RHBDD1: variants seen among roughly 807,000 people sequenced by gnomAD.
RHBDD1 encodes the protein rhomboid-related protein 4.
RHBDD1 carries 38 observed loss-of-function variants against 36.3 expected under a neutral mutation model. The observed-to-expected ratio is 1.05, with a 90% CI of 0.81 to 1.37. The LOEUF (loss-of-function observed/expected upper bound fraction) is 1.37, where lower values mean the gene tolerates loss of function less well. Among genes scored for constraint, RHBDD1 ranks in the 40% most tolerant of loss-of-function variants. RHBDD1 has a pLI of 0.00. For synonymous variants in RHBDD1, 151 were observed against 136.5 expected, an observed-to-expected ratio of 1.11 and a Z score of -0.74; for missense variants, 393 against 377.6, an observed-to-expected ratio of 1.04 and a Z score of -0.34.
the RHBDD1 span, among the ~76,000 whole-genome samples, chr2:226,822,085 G>A: frequency 6.6e-6 from 1 of 151,974 alleles, no homozygotes; most frequent in Admixed American, 6.6e-5. Context: ...CTTGCTCATT[G>A]TAAGTCAAAG....
chr2:226,840,997 A>G (rs1385039750), intron 3 of RHBDD1, among the ~76,000 whole-genome samples: 2 of 152,204 alleles, frequency 1.3e-5, no homozygotes, highest in African/African-American at 4.8e-5. Flanking sequence ...GTGTGTTGCA[A>G]TGAATCAGTT....
chr2:226,807,953 T>A, the RHBDD1 span, among the ~76,000 whole-genome samples: 2 of 151,464 alleles, frequency 1.3e-5, no homozygotes, highest in African/African-American at 4.9e-5. Flanking sequence ...AGGTAGAAAT[T>A]GCAGTGAGCC....
intron 7 of RHBDD1, among the ~76,000 whole-genome samples, chr2:226,910,251 A>C (rs1948426483): frequency 6.6e-6 from 1 of 152,232 alleles, no homozygotes; most frequent in African/African-American, 2.4e-5. Context: ...AAGCACAGTC[A>C]CACAGACCAG....
chr2:226,984,549 C>T (rs909848215), intron 8 of RHBDD1, among the ~76,000 whole-genome samples: 11 of 152,190 alleles, frequency 7.2e-5, no homozygotes, highest in Non-Finnish European at 1.6e-4. Context: ...TGGACTTCAA[C>T]GTATGGATTT....
upstream of RHBDD1, among the ~76,000 whole-genome samples, chr2:226,834,845 G>C (rs112499492): frequency 0.015 from 2,334 of 152,068 alleles, 55 homozygotes; most frequent in African/African-American, 0.053. Context: ...GCATGGACGC[G>C]ATCTCACTGC....
chr2:226,861,720 C>CTG (rs368288677), intron 3 of RHBDD1, among the ~76,000 whole-genome samples: 14 of 151,568 alleles, frequency 9.2e-5, no homozygotes, highest in South Asian at 2.1e-4. Context: ...ATAAATATTT[C>CTG]TGTGTGTGTG....
At chr2:226,954,687 G>C (rs1328446208) in intron 8 of RHBDD1, among the ~76,000 whole-genome samples, 1 of 152,088 alleles carries the variant, frequency 6.6e-6, no homozygotes, top group Admixed American at 6.5e-5. Flanking sequence ...GATTGATAAA[G>C]GTAGTTAAAT....
chr2:226,833,857 T>C (rs888614689), upstream of RHBDD1, among the ~76,000 whole-genome samples: 2 of 152,220 alleles, frequency 1.3e-5, no homozygotes, highest in African/African-American at 2.4e-5. Context: ...TCAATTGAAA[T>C]GGGATATGAG....
the RHBDD1 span, among the ~76,000 whole-genome samples, chr2:226,802,720 C>T: frequency 6.6e-6 from 1 of 152,070 alleles, no homozygotes; most frequent in African/African-American, 2.4e-5. Flanking sequence ...GAGTTAGAGC[C>T]GATTTGTGTA....
At chr2:226,866,132 G>A (rs953023193) in intron 4 of RHBDD1, among the ~76,000 whole-genome samples, 5 of 151,998 alleles carry the variant, frequency 3.3e-5, no homozygotes, top group African/African-American at 7.2e-5. Context: ...GGGCAGTGGC[G>A]TGATCTCGGC....
chr2:226,945,345 T>C (rs554083742), intron 8 of RHBDD1, among the ~76,000 whole-genome samples: 1 of 152,106 alleles, frequency 6.6e-6, no homozygotes, highest in Admixed American at 6.6e-5. Flanking sequence ...GTGTGTGATG[T>C]TCCCCTCCTT....
intron 8 of RHBDD1, among the ~76,000 whole-genome samples, chr2:226,979,527 G>A (rs1029968579): frequency 6.6e-6 from 1 of 152,130 alleles, no homozygotes; most frequent in Non-Finnish European, 1.5e-5. Flanking sequence ...GATTCTCTAG[G>A]AGCCCGTTTT....
intron 5 of RHBDD1, chr2:226,867,762 A>G (rs1944460771): frequency 1.4e-6 from 1 of 709,828 alleles, no homozygotes; most frequent in Non-Finnish European, 1.7e-6. Context: ...TCTGTTACCC[A>G]GGTTGGAGTG....
Position 226,914,292 on chromosome 2 carries a change from C to T in RHBDD1, c.797C>T (p.Ala266Val), listed in dbSNP as rs756976604. ...CCCAGGAACTATGACACGTACACAG[C>T]AGGACTGAGTGAAGAAGAACAGCTC... Reference protein sequence around the residue: ...EAPRNYDTYTAGLSEEEQLER... With the variant: ...EAPRNYDTYTVGLSEEEQLER... Residue 266 changes from alanine to valine, a missense_variant, in exon 8 of 9, where the codon GCA (alanine) becomes GTA (valine). Transcript: ENST00000392062. 2.5e-6 allele frequency: 4 copies of T among 1,613,750 alleles called. No individual in the cohort carries two copies. Among genetic ancestry groups the T allele is most frequent in the Admixed American group, 1.7e-5 (1 of 59,958 alleles).
intron 8 of RHBDD1, among the ~76,000 whole-genome samples, chr2:226,985,437 CT>C (rs1956717920): frequency 1.3e-5 from 2 of 152,248 alleles, no homozygotes; most frequent in Non-Finnish European, 2.9e-5. Context: ...AACCCTAATT[CT>C]GCTTACGATG....
chr2:226,930,661 T>A (rs1461361988), intron 8 of RHBDD1, among the ~76,000 whole-genome samples: 1 of 151,996 alleles, frequency 6.6e-6, no homozygotes, highest in Non-Finnish European at 1.5e-5. Context: ...TAAATTAAGT[T>A]TCTGCATGGC....
chr2:226,815,423 TCTC>T, the RHBDD1 span, among the ~76,000 whole-genome samples: 1 of 152,236 alleles, frequency 6.6e-6, no homozygotes, highest in Non-Finnish European at 1.5e-5. Context: ...GTTTGGAGAT[TCTC>T]TTTTCTAAAA....
chr2:226,911,014 T>A (rs1948479971), intron 7 of RHBDD1, among the ~76,000 whole-genome samples: 1 of 152,202 alleles, frequency 6.6e-6, no homozygotes. Flanking sequence ...TATTCAGATG[T>A]TTAGAGTTGT....
At chr2:226,881,753 G>GT in intron 5 of RHBDD1, among the ~76,000 whole-genome samples, 1 of 152,170 alleles carries the variant, frequency 6.6e-6, no homozygotes, top group Non-Finnish European at 1.5e-5. Context: ...TTTTCTATAA[G>GT]TTTTTTGGGA....
Sources: gnomAD v4.1 joint callset for allele counts (sites outside exome capture counted in the v4.1 genomes callset) on GRCh38, gnomAD v4.1.1 for gene constraint, MANE v1.5 for transcripts, NCBI Gene and HGNC (gene_info 2026-07-23, HGNC 2026-07-21) for gene names.